ADCY1: variants seen among roughly 807,000 people sequenced by gnomAD.
ADCY1 encodes adenylate cyclase type 1.
Under a neutral mutation model 105.4 loss-of-function variants are expected in ADCY1, and 28 were observed. That is an observed-to-expected ratio of 0.27 (90% CI 0.20 to 0.36). The LOEUF (loss-of-function observed/expected upper bound fraction) is 0.36, where lower values mean the gene tolerates loss of function less well. Among genes scored for constraint, ADCY1 ranks in the 10% least tolerant of loss-of-function variants. ADCY1 has a pLI of 1.00. For synonymous variants in ADCY1, 655 were observed against 623.8 expected, an observed-to-expected ratio of 1.05 and a Z score of -0.75; for missense variants, 977 against 1,434.2, an observed-to-expected ratio of 0.68 and a Z score of 5.15.
At chr7:45,625,307 T>TTCA (rs1263415038) in intron 4 of ADCY1, among the ~76,000 whole-genome samples, 1 of 152,228 alleles carries the variant, frequency 6.6e-6, no homozygotes, top group Non-Finnish European at 1.5e-5. Flanking sequence ...AGGACACTGA[T>TTCA]TCATGCCTGG....
intron 19 of ADCY1, among the ~76,000 whole-genome samples, chr7:45,713,000 C>T (rs1785293507): frequency 2.0e-5 from 3 of 152,098 alleles, no homozygotes; most frequent in Non-Finnish European, 4.4e-5. Context: ...GCAGCTATGC[C>T]GGGGTCCTGT....
intron 10 of ADCY1, 38 bp from the exon 11 acceptor site, chr7:45,679,671 C>T: frequency 1.2e-6 from 2 of 1,609,676 alleles, no homozygotes; most frequent in South Asian, 2.2e-5. Context: ...TCTCCTAATC[C>T]CCACCTATCA....
chr7:45,672,781 A>G lies in ADCY1; in HGVS notation c.1606-5088A>G, dbSNP rs890976178. ...CTAGAGACAATTTTCTTTCTTTCCC[A>G]TCTGTATGCCTTTTACTTCCTTTTC... On this transcript the variant is annotated intron_variant, in intron 8 of 19. Coordinates refer to ENST00000297323, the MANE Select transcript of ADCY1 (RefSeq NM_021116.4). Among the ~76,000 whole-genome samples, 3 of 151,816 alleles carry G rather than the reference A, an allele frequency of 2.0e-5. No individual in the cohort carries two copies. The South Asian group carries it at 6.2e-4, about 32-fold the overall frequency.
At chr7:45,712,836 T>C (rs1032111964) in intron 19 of ADCY1, among the ~76,000 whole-genome samples, 21 of 152,186 alleles carry the variant, frequency 1.4e-4, no homozygotes, top group African/African-American at 5.1e-4. Context: ...TATTTTCTCA[T>C]CCTTTATCTT....
chr7:45,711,607 G>GTATATATATATATATATA (rs71030888), intron 19 of ADCY1, among the ~76,000 whole-genome samples: 3 of 70,804 alleles, frequency 4.2e-5, no homozygotes, highest in East Asian at 3.5e-4. Flanking sequence ...ACTTCGTGCT[G>GTATATATATATATATATA]TATATATATA....
At chr7:45,610,864 A>ATGGTGGAGGTGGGGAGG (rs1793550356) in intron 3 of ADCY1, among the ~76,000 whole-genome samples, 1 of 95,152 alleles carries the variant, frequency 1.1e-5, no homozygotes, top group African/African-American at 4.2e-5. Flanking sequence ...AGTTGTGGAG[A>ATGGTGGAGGTGGGGAGG]TGATGGTGGA....
At chr7:45,657,280 C>T (rs1372364239) in intron 5 of ADCY1, among the ~76,000 whole-genome samples, 1 of 152,366 alleles carries the variant, frequency 6.6e-6, no homozygotes, top group East Asian at 1.9e-4. Context: ...ATGTTTCCAG[C>T]AGGTTGTCAT....
Position 45,662,261 on chromosome 7 carries a change from A to T in ADCY1, c.1605+47A>T, listed in dbSNP as rs1428520046. 5 of 1,580,110 alleles carry T rather than the reference A, an allele frequency of 3.2e-6. No individual in the cohort carries two copies. The Admixed American group carries it at 8.8e-5, about 28-fold the overall frequency. On this transcript the variant is annotated intron_variant, in intron 8 of 19. Transcript: ENST00000297323. ...GCCATGCTGGAGCTGCCAGGGACTG[A>T]TCTCTGTCCTGCCCTCCCAATATGG...
chr7:45,661,348 G>A (rs1795098792), intron 7 of ADCY1, among the ~76,000 whole-genome samples: 1 of 152,088 alleles, frequency 6.6e-6, no homozygotes. Context: ...GCCAGAGAAA[G>A]TGAAGTTGAG....
At chr7:45,679,834 G>GT (rs772446345) in intron 11 of ADCY1, 41 bp downstream of exon 11, 28 of 1,604,288 alleles carry the variant, frequency 1.7e-5, no homozygotes, top group Non-Finnish European at 1.5e-5. Flanking sequence ...ATATCACCTG[G>GT]TTCATGTATG....
chr7:45,577,868 C>G (rs933450606), intron 1 of ADCY1, among the ~76,000 whole-genome samples: 2 of 152,210 alleles, frequency 1.3e-5, no homozygotes, highest in African/African-American at 4.8e-5. Flanking sequence ...CTCTGAGACC[C>G]AAATGCCTTC....
Position 45,714,332 on chromosome 7 carries a change from A to G in ADCY1, c.*337A>G. 3.1e-6 allele frequency: 1 copy of G among 319,026 alleles called. No individual in the cohort carries two copies. The highest frequency in any genetic ancestry group is 5.8e-5 in the South Asian group (1 of 17,246). 19.8% of individuals were successfully genotyped at this position (319,026 alleles called of 1,614,324 possible). A position where few individuals can be genotyped will look rare whatever the true frequency, so the allele number is the denominator to read the frequency against. On this transcript the variant is annotated 3_prime_UTR_variant, in exon 20 of 20. Transcript: ENST00000297323. ...GGTTTGGCCAGGTCGGCATCAATGTAAGGACCTTCAGAGCATCCCAGGGTT... is the reference window on the plus strand; with the variant it reads ...GGTTTGGCCAGGTCGGCATCAATGTGAGGACCTTCAGAGCATCCCAGGGTT...
At chr7:45,657,916 G>GC in intron 6 of ADCY1, 31 bp downstream of exon 6, 9 of 502,906 alleles carry the variant, frequency 1.8e-5, no homozygotes, top group Non-Finnish European at 3.6e-5. Context: ...GGAGGGGAGG[G>GC]AGGTGGGTGA....
rs1372018034 is a variant in ADCY1 at position 45,710,958 on chromosome 7, C to G, written c.3057+306C>G. Reference sequence around the variant, plus strand: ...GGTGGCTCTCATTCACTCTGCACATCCCAGGACTCCGGACTCCACCAGCTG... The same window carrying G: ...GGTGGCTCTCATTCACTCTGCACATGCCAGGACTCCGGACTCCACCAGCTG... On this transcript the variant is annotated intron_variant, in intron 19 of 19. Transcript: ENST00000297323. This position sits in a 1 kb window ranked among gnomAD's most constrained non-coding sequence, Gnocchi z 4.7. Among the ~76,000 whole-genome samples, 1 of 152,126 alleles carries G rather than the reference C, an allele frequency of 6.6e-6. No individual in the cohort carries two copies. The highest frequency in any genetic ancestry group is 2.4e-5 in the African/African-American group (1 of 41,428).
chr7:45,704,732 C>G (rs761735313), intron 17 of ADCY1, 116 bp downstream of exon 17: 1 of 782,946 alleles, frequency 1.3e-6, no homozygotes, highest in Non-Finnish European at 2.1e-6. Flanking sequence ...TGTTGGATTA[C>G]AGGAGCAGCT....
intron 3 of ADCY1, among the ~76,000 whole-genome samples, chr7:45,616,549 A>G (rs997803429): frequency 2.6e-5 from 4 of 152,230 alleles, no homozygotes; most frequent in Admixed American, 1.3e-4. Flanking sequence ...ACATGTTAAG[A>G]GAATACGGAA....
At chr7:45,607,354 C>T (rs1022301246) in intron 2 of ADCY1, among the ~76,000 whole-genome samples, 4 of 152,164 alleles carry the variant, frequency 2.6e-5, no homozygotes, top group Admixed American at 1.3e-4. Flanking sequence ...TCCTCCTAAA[C>T]CAAGATGGTA....
chr7:45,631,044 TA>T (rs1246928495), intron 4 of ADCY1, among the ~76,000 whole-genome samples: 1 of 152,196 alleles, frequency 6.6e-6, no homozygotes, highest in Non-Finnish European at 1.5e-5. Flanking sequence ...AGTAAAATAA[TA>T]AAAGGTCTAA....
chr7:45,634,014 CTG>C, intron 4 of ADCY1, among the ~76,000 whole-genome samples: 1 of 152,152 alleles, frequency 6.6e-6, no homozygotes, highest in African/African-American at 2.4e-5. Flanking sequence ...GGATTTTCAA[CTG>C]TGTGGGGGGT....
Sources: allele counts gnomAD v4.1 joint callset (sites outside exome capture counted in the v4.1 genomes callset), GRCh38; gene constraint gnomAD v4.1.1; non-coding constraint Gnocchi (gnomAD v3.1); transcripts MANE v1.5; gene names NCBI Gene and HGNC (gene_info 2026-07-23, HGNC 2026-07-21).